RPAP3: variants seen among roughly 807,000 people sequenced by gnomAD.
RPAP3 encodes RNA polymerase II associated protein 3, also known as RNA polymerase II-associated protein 3.
In RPAP3, 58 loss-of-function variants were observed where a neutral mutation model predicts 88.8. That is an observed-to-expected ratio of 0.65 (90% CI 0.53 to 0.81). The LOEUF (loss-of-function observed/expected upper bound fraction) is 0.81. Ranked by LOEUF, RPAP3 falls within the 40% of genes least tolerant of loss-of-function variation. The pLI is 0.00. For synonymous variants in RPAP3, 255 were observed against 259.9 expected, an observed-to-expected ratio of 0.98 and a Z score of 0.18; for missense variants, 751 against 764.3, an observed-to-expected ratio of 0.98 and a Z score of 0.20.
At chr12:47,693,175 C>G (rs960177684) in intron 5 of RPAP3, among the ~76,000 whole-genome samples, 2 of 152,162 alleles carry the variant, frequency 1.3e-5, no homozygotes, top group Admixed American at 6.6e-5. Flanking sequence ...GCCACCATGC[C>G]TGGCCTCACT....
Position 47,670,266 on chromosome 12 carries a change from G to A in RPAP3, c.1367C>T (p.Ala456Val). 1 of 1,613,438 alleles carries A rather than the reference G, an allele frequency of 6.2e-7. No homozygotes were observed. The highest frequency in any genetic ancestry group is 1.1e-5 in the South Asian group (1 of 91,066). ...ATTAATAGGATTATTCTCTGGAGCA[G>A]CAGCAGTAGTGCTATCTGGCACATC... ...TIDVPDSTTA[A>V]APENNPINLA... Residue 456 changes from alanine (A) to valine (V), a missense_variant, in exon 13 of 17, where the codon GCT (alanine) becomes GTT (valine). Ala to Val is a moderately conservative substitution (Grantham distance 64). Transcript: ENST00000005386.
intron 1 of RPAP3, among the ~76,000 whole-genome samples, chr12:47,705,269 G>A (rs1313550817): frequency 6.6e-6 from 1 of 152,164 alleles, no homozygotes; most frequent in East Asian, 1.9e-4. Context: ...TCACTAAGAA[G>A]GGACAGTTGC....
intron 12 of RPAP3, among the ~76,000 whole-genome samples, chr12:47,676,817 G>A (rs552165987): frequency 6.8e-4 from 104 of 152,248 alleles, no homozygotes; most frequent in Non-Finnish European, 1.4e-3. Context: ...GAGGTACAAA[G>A]AGGAGCTGGT....
chr12:47,696,897 A>AT (rs1939542713), intron 4 of RPAP3, among the ~76,000 whole-genome samples: 1 of 152,198 alleles, frequency 6.6e-6, no homozygotes, highest in Admixed American at 6.5e-5. Flanking sequence ...TTATATGCAG[A>AT]TTTTTTACTG....
intron 9 of RPAP3, among the ~76,000 whole-genome samples, chr12:47,684,387 A>T (rs1463848473): frequency 6.6e-6 from 1 of 152,176 alleles, no homozygotes; most frequent in Non-Finnish European, 1.5e-5. Flanking sequence ...ATTAGCTCTA[A>T]TTTGACACAG....
chr12:47,686,806 T>C lies in RPAP3; in HGVS notation c.966A>G (p.Arg322=), dbSNP rs1269323629. ...DGANALLPAN[R]AMAYLKIQKY... is the part of the protein sequence containing the mutation. ...TCTGAATCTTCAGATAGGCCATAGC[T>C]CTGTTAGCTGGAAGAAGGGCATTAG... Residue 322 remains arginine, a synonymous_variant, in exon 9 of 17, where the codon AGA becomes AGG. Transcript: ENST00000005386. 1.9e-6 allele frequency: 3 copies of C among 1,603,174 alleles called. No homozygotes were observed. Among genetic ancestry groups the C allele is most frequent in the Middle Eastern group, 1.7e-4 (1 of 6,018 alleles).
At chr12:47,674,254 C>G (rs1939063197) in intron 12 of RPAP3, among the ~76,000 whole-genome samples, 1 of 152,100 alleles carries the variant, frequency 6.6e-6, no homozygotes, top group Admixed American at 6.6e-5. Context: ...TCACCAACAT[C>G]AAAGACCAAA....
chr12:47,669,186 A>T (rs1938944998), intron 13 of RPAP3, 84 bp from the exon 14 acceptor site: 1 of 816,362 alleles, frequency 1.2e-6, no homozygotes, highest in African/African-American at 1.7e-5. Context: ...AAATTTTTAA[A>T]TTTTTGACTA....
intron 1 of RPAP3, among the ~76,000 whole-genome samples, chr12:47,704,036 T>G (rs1939712451): frequency 6.6e-6 from 1 of 152,196 alleles, no homozygotes; most frequent in African/African-American, 2.4e-5. Context: ...TGAGTGCTAA[T>G]GGGGCGAAGA....
chr12:47,674,103 A>G (rs1465924963), intron 12 of RPAP3, among the ~76,000 whole-genome samples: 1 of 151,060 alleles, frequency 6.6e-6, no homozygotes, highest in Non-Finnish European at 1.5e-5. Context: ...AAAAAAAAAA[A>G]AAGTGCCCCA....
At chr12:47,676,928 GAC>G (rs1348889161) in intron 12 of RPAP3, among the ~76,000 whole-genome samples, 4 of 151,984 alleles carry the variant, frequency 2.6e-5, no homozygotes, top group Admixed American at 1.3e-4. Context: ...GCCTGGCAAA[GAC>G]ACAACAAAAA....
chr12:47,670,614 C>T (rs977091779), intron 12 of RPAP3, among the ~76,000 whole-genome samples: 3 of 152,078 alleles, frequency 2.0e-5, no homozygotes, highest in Non-Finnish European at 4.4e-5. Flanking sequence ...AAGCACAAAA[C>T]GCTAAGAGAA....
intron 1 of RPAP3, among the ~76,000 whole-genome samples, chr12:47,703,581 G>A (rs1397244180): frequency 6.6e-6 from 1 of 152,178 alleles, no homozygotes; most frequent in Non-Finnish European, 1.5e-5. Context: ...AAATAGGCAT[G>A]GATCAGATAG....
chr12:47,704,270 T>C (rs1939724520), intron 1 of RPAP3, among the ~76,000 whole-genome samples: 1 of 152,090 alleles, frequency 6.6e-6, no homozygotes, highest in Non-Finnish European at 1.5e-5. Flanking sequence ...CTGTTACAGA[T>C]GACAAAAAAT....
intron 3 of RPAP3, chr12:47,699,498 G>A (rs1939611331): frequency 6.6e-6 from 1 of 152,222 alleles, no homozygotes; most frequent in African/African-American, 2.4e-5. Flanking sequence ...TCCTGAAGCA[G>A]ATGGCAAACT....
At position 47,663,513 on chromosome 12, in the gene RPAP3, C is replaced by G. The variant is rs762762381; in HGVS notation, c.1990G>C (p.Gly664Arg). The G allele has an allele frequency of 6.3e-7, 1 of 1,580,272 alleles. No homozygotes were observed. The highest frequency in any genetic ancestry group is 8.6e-7 in the Non-Finnish European group (1 of 1,161,868). Residue 664 changes from glycine (G) to arginine (R), a missense_variant, in exon 17 of 17, where the codon GGT (glycine) becomes CGT (arginine). By Grantham distance (125) the Gly-to-Arg change is moderately radical. Coordinates refer to ENST00000005386, the MANE Select transcript of RPAP3 (RefSeq NM_024604.3). Reference sequence around the variant, plus strand: ...TTCAGCAAAAATGGAAATCAACCACCGTATCTTTTCTTGAGTTCTTCGACA... The same window carrying G: ...TTCAGCAAAAATGGAAATCAACCACGGTATCTTTTCTTGAGTTCTTCGACA... Reference protein sequence around the residue: ...SSVEELKKRYGG With the variant: ...SSVEELKKRYRG
chr12:47,699,691 C>A (rs1939617155), intron 3 of RPAP3: 2 of 152,182 alleles, frequency 1.3e-5, no homozygotes, highest in South Asian at 4.1e-4. Context: ...ATGTTCACAG[C>A]AGGTTTATTC....
chr12:47,694,851 CAATT>C (rs1450779072), intron 5 of RPAP3, among the ~76,000 whole-genome samples: 1 of 152,010 alleles, frequency 6.6e-6, no homozygotes, highest in East Asian at 1.9e-4. Context: ...AGATTGAAAA[CAATT>C]AAGAAGCCCA....
chr12:47,704,608 C>A (rs1939738822), intron 1 of RPAP3, among the ~76,000 whole-genome samples: 1 of 151,762 alleles, frequency 6.6e-6, no homozygotes, highest in Non-Finnish European at 1.5e-5. Flanking sequence ...GAACTCCTGA[C>A]CTCAAGTGAT....
Sources: gnomAD v4.1 joint callset for allele counts (sites outside exome capture counted in the v4.1 genomes callset) on GRCh38, gnomAD v4.1.1 for gene constraint, MANE v1.5 for transcripts, NCBI Gene and HGNC (gene_info 2026-07-23, HGNC 2026-07-21) for gene names.